The following BAIAP2L2 variants were observed in gnomAD, a reference collection of about 807,000 sequenced individuals.
BAIAP2L2 encodes BAR/IMD domain-containing adapter protein 2-like 2.
A neutral mutation model predicts 60.4 loss-of-function variants in BAIAP2L2; 65 were observed. That is an observed-to-expected ratio of 1.08 (90% CI 0.88 to 1.32). The LOEUF is 1.32. BAIAP2L2 is among the 40% of genes most tolerant of loss of function. The pLI is 0.00. For synonymous variants in BAIAP2L2, 344 were observed against 301.7 expected, an observed-to-expected ratio of 1.14 and a Z score of -1.45; for missense variants, 836 against 741.2, an observed-to-expected ratio of 1.13 and a Z score of -1.48.
At chr22:38,087,486 A>G (rs760806743) in intron 10 of BAIAP2L2, among the ~76,000 whole-genome samples, 1 of 152,122 alleles carries the variant, frequency 6.6e-6, no homozygotes, top group African/African-American at 2.4e-5. Context: ...CAAGGATGGA[A>G]CGATGGTCCC....
intron 7 of BAIAP2L2, chr22:38,090,326 G>C (rs1473021957): frequency 6.6e-6 from 1 of 151,824 alleles, no homozygotes; most frequent in Non-Finnish European, 1.5e-5. Context: ...GGCCAGGCTG[G>C]TCTCAAACTC....
chr22:38,110,764 C>T (rs977275436), upstream of BAIAP2L2: 6 of 529,980 alleles, frequency 1.1e-5, no homozygotes, highest in Admixed American at 1.4e-4. Context: ...CATCCTGTGC[C>T]GGGCAGGCTC....
At position 38,089,671 on chromosome 22, in the gene BAIAP2L2, G is replaced by C; in HGVS notation, c.616C>G (p.Arg206Gly). The C allele has an allele frequency of 1.5e-5, 19 of 1,230,338 alleles. No homozygotes were observed. The highest frequency in any genetic ancestry group is 1.9e-5 in the Non-Finnish European group (19 of 986,978). 76.2% of individuals were successfully genotyped at this position (1,230,338 alleles called of 1,614,324 possible). A position where few individuals can be genotyped will look rare whatever the true frequency, so the allele number is the denominator to read the frequency against. Residue 206 changes from arginine to glycine, a missense_variant, in exon 8 of 14, where the codon CGG (arginine) becomes GGG (glycine). Transcript: ENST00000381669. Reference protein sequence around the residue: ...NTFLQFFGRARGMLQNRVLLW... With the variant: ...NTFLQFFGRAGGMLQNRVLLW... ...AGCACGCGGTTCTGGAGCATCCCCC[G>C]GGCCTGGCCGGGCGGGGACACGGGG...
chr22:38,108,380 TCTG>T (rs781497410), intron 2 of BAIAP2L2, 39 bp from the exon 3 acceptor site: 36 of 1,510,172 alleles, frequency 2.4e-5, no homozygotes, highest in Non-Finnish European at 2.5e-5. Flanking sequence ...CAGCCCTGCC[TCTG>T]CCCCACCCTT....
intron 4 of BAIAP2L2, among the ~76,000 whole-genome samples, chr22:38,106,965 GT>G (rs1273130177): frequency 2.0e-5 from 3 of 152,142 alleles, no homozygotes; most frequent in South Asian, 2.1e-4. Flanking sequence ...TTAACTTCTG[GT>G]TATCATAGCT....
intron 2 of BAIAP2L2, 82 bp downstream of exon 2, chr22:38,109,051 G>T: frequency 9.3e-7 from 1 of 1,073,914 alleles, no homozygotes. Context: ...GGTGTGGGAT[G>T]CAGAGAATCT....
Position 38,098,116 on chromosome 22 carries a change from A to C in BAIAP2L2, c.412T>G (p.Ser138Ala). ...TTGCGCTCCATGCGCCACAGCTCAG[A>C]CATGCACTTCTCCAGGTTGGCCGCT... is the stretch of plus-strand genomic sequence containing the variant. ...HRAANLEKCM[S>A]ELWRMERKRD... The change falls in exon 6 of 14, where the codon TCT (serine) becomes GCT (alanine). Residue 138 changes from serine (S) to alanine (A), a missense_variant. Coordinates refer to ENST00000381669, the MANE Select transcript of BAIAP2L2 (RefSeq NM_025045.6). The C allele has an allele frequency of 1.9e-6, 3 of 1,609,760 alleles. No homozygotes were observed. The highest frequency in any genetic ancestry group is 2.5e-6 in the Non-Finnish European group (3 of 1,177,266).
chr22:38,098,390 G>C (rs1237160295), intron 5 of BAIAP2L2, 21 bp downstream of exon 5: 1 of 1,610,774 alleles, frequency 6.2e-7, no homozygotes, highest in South Asian at 1.1e-5. Flanking sequence ...GTTGGGGGCC[G>C]AGTGGGGAGG....
At chr22:38,089,273 G>GGC (rs2086211091) in intron 8 of BAIAP2L2, 42 bp from the exon 9 acceptor site, 2 of 145,556 alleles carry the variant, frequency 1.4e-5, no homozygotes, top group African/African-American at 4.3e-5. Flanking sequence ...CGGGGGGGGG[G>GGC]GGGGGCGGGG....
Position 38,087,206 on chromosome 22 carries a change from TG to T in BAIAP2L2, c.1176del (p.Met393Ter). The T allele has an allele frequency of 6.3e-7, 1 of 1,588,296 alleles. No individual in the cohort carries two copies. Among genetic ancestry groups the T allele is most frequent in the Non-Finnish European group, 8.6e-7 (1 of 1,165,862 alleles). ...GAGGTCATGGGGGTCACGGGGGTCA[TG>T]GGATTCACGGGCCCCTCCTCCAGAG... ...VKALEEGPVN[P>X]MTPVTPMTSM... On this transcript the variant is annotated frameshift_variant, in exon 11 of 14. Transcript: ENST00000381669. LOFTEE classifies it high-confidence loss of function.
intron 4 of BAIAP2L2, among the ~76,000 whole-genome samples, chr22:38,102,313 C>T (rs548605883): frequency 6.6e-6 from 1 of 152,076 alleles, no homozygotes; most frequent in Non-Finnish European, 1.5e-5. Context: ...GGACAACAGA[C>T]ACAAAAGGAA....
At chr22:38,091,878 T>C (rs913064316) in intron 7 of BAIAP2L2, among the ~76,000 whole-genome samples, 2 of 152,066 alleles carry the variant, frequency 1.3e-5, no homozygotes, top group African/African-American at 2.4e-5. Flanking sequence ...TCCAATGGCT[T>C]TGAAACATGA....
In BAIAP2L2 at chr22:38,108,334, G is replaced by A. The variant is rs777163022; in HGVS notation, c.135C>T (p.Ser45=). 35 of 1,612,008 alleles carry A rather than the reference G, an allele frequency of 2.2e-5. No homozygotes were observed. Among genetic ancestry groups the A allele is most frequent in the Admixed American group, 1.7e-5 (1 of 59,926 alleles). ...CACTGAAGTAGACCTCGGCCGCCTCGGACAGAGCTGTGGACCAGAAGGGAC... is the reference window on the plus strand; with the variant it reads ...CACTGAAGTAGACCTCGGCCGCCTCAGACAGAGCTGTGGACCAGAAGGGAC... ...NNYLRAFHAL[S]EAAEVYFSAI... Residue 45 remains serine, a synonymous_variant, in exon 3 of 14, where the codon TCC becomes TCT. Transcript: ENST00000381669.
intron 7 of BAIAP2L2, among the ~76,000 whole-genome samples, chr22:38,091,780 A>G (rs2086308859): frequency 6.6e-6 from 1 of 152,156 alleles, no homozygotes; most frequent in Non-Finnish European, 1.5e-5. Flanking sequence ...ACTCATCACC[A>G]AGAAAAAGCT....
At chr22:38,106,290 G>A (rs1183673071) in intron 4 of BAIAP2L2, among the ~76,000 whole-genome samples, 1 of 152,014 alleles carries the variant, frequency 6.6e-6, no homozygotes, top group Non-Finnish European at 1.5e-5. Context: ...AGGCCGAGGC[G>A]GGCAGATCAC....
chr22:38,087,182 AGGTCATGGGGGTCACGGG>A lies in BAIAP2L2; in HGVS notation c.1183_1200del (p.Pro395_Thr400del), dbSNP rs780665846. The A allele has an allele frequency of 5.6e-5, 89 of 1,598,470 alleles. No homozygotes were observed. Among genetic ancestry groups the A allele is most frequent in the Admixed American group, 1.8e-5 (1 of 56,328 alleles). Reference sequence around the variant, plus strand: ...GTCATGGGGGACATGGAGGTCATGGAGGTCATGGGGGTCACGGGGGTCATGGGATTCACGGGCCCCTCC... The same window carrying A: ...GTCATGGGGGACATGGAGGTCATGGAGGTCATGGGATTCACGGGCCCCTCC... On this transcript the variant is annotated inframe_deletion, in exon 11 of 14. Coordinates refer to ENST00000381669, the MANE Select transcript of BAIAP2L2 (RefSeq NM_025045.6).
At chr22:38,104,837 T>G (rs1170907954) in intron 4 of BAIAP2L2, among the ~76,000 whole-genome samples, 1 of 151,680 alleles carries the variant, frequency 6.6e-6, no homozygotes, top group Non-Finnish European at 1.5e-5. Context: ...AATTCTAGTG[T>G]CTCAGGCTGT....
chr22:38,098,021 A>AGGGCCC, intron 6 of BAIAP2L2, 42 bp downstream of exon 6: 1 of 588,224 alleles, frequency 1.7e-6, no homozygotes, highest in Non-Finnish European at 3.1e-6. Context: ...AGGTCTGCCC[A>AGGGCCC]CCCGCCCTTC....
intron 2 of BAIAP2L2, 138 bp from the exon 3 acceptor site, chr22:38,108,479 C>T: frequency 1.5e-6 from 1 of 654,984 alleles, no homozygotes; most frequent in South Asian, 2.1e-5. Context: ...AGGGTGTGAC[C>T]AGTTGAGCTG....
Sources: gnomAD v4.1 joint callset for allele counts (sites outside exome capture counted in the v4.1 genomes callset) on GRCh38, gnomAD v4.1.1 for gene constraint, MANE v1.5 for transcripts, NCBI Gene and HGNC (gene_info 2026-07-23, HGNC 2026-07-21) for gene names.